FGF14: variants seen among roughly 807,000 people sequenced by gnomAD.
The protein encoded by FGF14 is fibroblast growth factor 14.
Under a neutral mutation model 25.5 loss-of-function variants are expected in FGF14, and 5 were observed. That is an observed-to-expected ratio of 0.20 (90% CI 0.10 to 0.41). The LOEUF is 0.41. Among genes scored for constraint, FGF14 ranks in the 10% least tolerant of loss-of-function variants. The pLI is 1.00. For missense variants in FGF14, 222 were observed against 320.1 expected, an observed-to-expected ratio of 0.69 and a Z score of 2.34; for synonymous variants, 138 against 118.3, an observed-to-expected ratio of 1.17 and a Z score of -1.08.
chr13:101,843,244 C>A (rs1484644263), intron 3 of FGF14, among the ~76,000 whole-genome samples: 2 of 152,012 alleles, frequency 1.3e-5, no homozygotes, highest in Non-Finnish European at 2.9e-5. Flanking sequence ...AGCATTAAAC[C>A]AATCAACCCC....
At chr13:101,761,257 C>T (rs1414348785) in intron 3 of FGF14, among the ~76,000 whole-genome samples, 2 of 152,146 alleles carry the variant, frequency 1.3e-5, no homozygotes, top group African/African-American at 4.8e-5. Flanking sequence ...GGAGAAAACA[C>T]AAACCAGATT....
intron 3 of FGF14, among the ~76,000 whole-genome samples, chr13:101,763,785 G>C (rs1427539946): frequency 6.6e-6 from 1 of 152,118 alleles, no homozygotes; most frequent in Non-Finnish European, 1.5e-5. Flanking sequence ...GCTTGAACCT[G>C]GGAGGCGGAG....
intron 1 of FGF14, among the ~76,000 whole-genome samples, chr13:102,087,310 G>A (rs761116168): frequency 1.9e-4 from 29 of 151,392 alleles, no homozygotes; most frequent in African/African-American, 4.8e-4. Flanking sequence ...GAAAAGAGAA[G>A]AGCTGCTACA....
chr13:102,054,356 G>T (rs1341658046), intron 1 of FGF14, among the ~76,000 whole-genome samples: 1 of 152,072 alleles, frequency 6.6e-6, no homozygotes, highest in Non-Finnish European at 1.5e-5. Flanking sequence ...TGGACATAAT[G>T]TTTAGACTAT....
At position 102,326,667 on chromosome 13, in the gene FGF14, G is replaced by GGGGAAGGGAA. The variant is rs1334021858; in HGVS notation, c.208+74794_208+74803dup. On this transcript the variant is annotated intron_variant, in intron 1 of 4. Transcript: ENST00000376131. ...AGGGAGGAGAAGGGAGGGGAAGGGAGGGGAAGGGAAGGGAAGGGAAGGGAA... is the reference window on the plus strand; with the variant it reads ...AGGGAGGAGAAGGGAGGGGAAGGGAGGGGAAGGGAAGGGAAGGGAAGGGAAGGGAAGGGAA... 2.4e-3 allele frequency among the ~76,000 whole-genome samples: 179 copies of GGGGAAGGGAA among 74,830 alleles called. 13 individuals carry two copies. The highest frequency in any genetic ancestry group is 8.2e-3 in the African/African-American group (133 of 16,286). 49.1% of individuals were successfully genotyped at this position (74,830 alleles called of 152,430 possible).
At chr13:101,763,810 A>G (rs545431422) in intron 3 of FGF14, among the ~76,000 whole-genome samples, 7 of 152,260 alleles carry the variant, frequency 4.6e-5, no homozygotes, top group African/African-American at 1.4e-4. Context: ...CAGTGAGCCG[A>G]GATTGCACCA....
intron 1 of FGF14, among the ~76,000 whole-genome samples, chr13:102,067,863 A>C (rs190473782): frequency 6.6e-6 from 1 of 152,270 alleles, no homozygotes; most frequent in African/African-American, 2.4e-5. Flanking sequence ...CACATTTAAT[A>C]ATCAAACTCC....
chr13:101,835,108 T>C (rs560079804), intron 3 of FGF14, among the ~76,000 whole-genome samples: 1 of 152,190 alleles, frequency 6.6e-6, no homozygotes, highest in Admixed American at 6.5e-5. Flanking sequence ...CAACTTCTCT[T>C]ATTATTTCAA....
intron 1 of FGF14, among the ~76,000 whole-genome samples, chr13:102,044,839 T>C (rs1435043371): frequency 6.6e-6 from 1 of 152,144 alleles, no homozygotes; most frequent in Non-Finnish European, 1.5e-5. Context: ...ATGTAGATCA[T>C]TTACAGTTTA....
chr13:102,290,274 C>G (rs975509040), intron 1 of FGF14, among the ~76,000 whole-genome samples: 2 of 152,068 alleles, frequency 1.3e-5, no homozygotes, highest in African/African-American at 2.4e-5. Context: ...CTTCTACCAC[C>G]TGAGGAAGCA....
intron 1 of FGF14, among the ~76,000 whole-genome samples, chr13:102,146,772 G>A (rs888286827): frequency 3.3e-5 from 5 of 152,206 alleles, no homozygotes; most frequent in East Asian, 1.9e-4. Context: ...AGTTTCAAAC[G>A]ATAAAAATAT....
intron 1 of FGF14, among the ~76,000 whole-genome samples, chr13:101,893,004 C>G (rs2029986554): frequency 6.6e-6 from 1 of 152,148 alleles, no homozygotes. Flanking sequence ...AACTATCACT[C>G]TGGTCACTGG....
At chr13:102,184,311 G>T (rs1008730164) in intron 1 of FGF14, among the ~76,000 whole-genome samples, 3 of 152,118 alleles carry the variant, frequency 2.0e-5, no homozygotes, top group Admixed American at 1.3e-4. Flanking sequence ...GAAGAAAGGT[G>T]GGGGAGGGCA....
chr13:102,108,680 T>C (rs964417269), intron 1 of FGF14, among the ~76,000 whole-genome samples: 1 of 152,214 alleles, frequency 6.6e-6, no homozygotes. Context: ...TATGGATAAT[T>C]GCACATTTAA....
intron 3 of FGF14, among the ~76,000 whole-genome samples, chr13:101,791,077 G>A (rs1020436719): frequency 2.0e-5 from 3 of 152,172 alleles, no homozygotes; most frequent in Admixed American, 6.6e-5. Flanking sequence ...GTAAGTGGCT[G>A]TAAAGGAACA....
intron 1 of FGF14, among the ~76,000 whole-genome samples, chr13:101,963,963 A>G (rs2037027680): frequency 1.3e-5 from 2 of 152,240 alleles, no homozygotes; most frequent in African/African-American, 4.8e-5. Context: ...AAGACAACAT[A>G]CATGTAATAA....
chr13:101,964,350 G>A (rs942229385), intron 1 of FGF14, among the ~76,000 whole-genome samples: 30 of 152,108 alleles, frequency 2.0e-4, no homozygotes, highest in African/African-American at 6.5e-4. Flanking sequence ...AACTGGATAC[G>A]AAATGCAAAC....
chr13:101,866,809 C>G (rs1037710417), intron 3 of FGF14, among the ~76,000 whole-genome samples: 1 of 152,144 alleles, frequency 6.6e-6, no homozygotes, highest in Admixed American at 6.6e-5. Flanking sequence ...TCCAAGTCCT[C>G]TTTCCAAAGA....
chr13:102,298,276 G>A (rs548763173), intron 1 of FGF14, among the ~76,000 whole-genome samples: 31 of 152,146 alleles, frequency 2.0e-4, no homozygotes, highest in Non-Finnish European at 4.3e-4. Flanking sequence ...GATCGTGGGT[G>A]TGATTTCTGC....
Sources: gnomAD v4.1 joint callset for allele counts (sites outside exome capture counted in the v4.1 genomes callset) on GRCh38, gnomAD v4.1.1 for gene constraint, MANE v1.5 for transcripts, NCBI Gene and HGNC (gene_info 2026-07-23, HGNC 2026-07-21) for gene names.